ASAH2: variants seen among roughly 807,000 people sequenced by gnomAD.
ASAH2 encodes neutral ceramidase.
In ASAH2, 58 loss-of-function variants were observed where a neutral mutation model predicts 82.9. The ratio of observed to expected loss-of-function variants is 0.70; its 90% CI spans 0.57 to 0.87. The LOEUF (loss-of-function observed/expected upper bound fraction) is 0.87. Among genes scored for constraint, ASAH2 ranks in the 40% least tolerant of loss-of-function variants. The pLI, the probability that ASAH2 is intolerant of heterozygous loss-of-function variation, is 0.00. For missense variants in ASAH2, 779 were observed against 834.0 expected (o/e 0.93, Z 0.81); for synonymous variants, 276 against 289.7 (o/e 0.95, Z 0.48).
At chr10:50,242,732 C>T (rs1014782067) in intron 4 of ASAH2, among the ~76,000 whole-genome samples, 2 of 152,126 alleles carry the variant, frequency 1.3e-5, no homozygotes, top group Non-Finnish European at 2.9e-5. Context: ...TCCCTATGTG[C>T]CTATTACCCA....
intron 6 of ASAH2, among the ~76,000 whole-genome samples, chr10:50,233,561 C>T (rs1846068375): frequency 6.6e-6 from 1 of 152,040 alleles, no homozygotes; most frequent in South Asian, 2.1e-4. Context: ...ATTTATTTGT[C>T]TTTGAAATTT....
chr10:50,214,635 G>T, intron 9 of ASAH2, 108 bp downstream of exon 9: 1 of 1,362,250 alleles, frequency 7.3e-7, no homozygotes, highest in Non-Finnish European at 1.0e-6. Flanking sequence ...GGAGAACTAG[G>T]CCAGTGTATA....
At chr10:50,218,372 C>A in intron 8 of ASAH2, 138 bp downstream of exon 8, 1 of 1,233,540 alleles carries the variant, frequency 8.1e-7, no homozygotes, top group Non-Finnish European at 1.2e-6. Flanking sequence ...ATGGTAAATG[C>A]TGTCTATTCA....
intron 6 of ASAH2, 101 bp from the exon 7 acceptor site, chr10:50,233,362 A>G: frequency 1.2e-6 from 1 of 803,510 alleles, no homozygotes; most frequent in Non-Finnish European, 2.2e-6. Flanking sequence ...AATGCCTCTC[A>G]GTAAGTGAGA....
chr10:50,245,259 C>T lies in ASAH2; in HGVS notation c.323G>A (p.Arg108Gln), dbSNP rs761627134. The T allele has an allele frequency of 1.3e-5, 21 of 1,614,052 alleles. No individual in the cohort carries two copies. Among genetic ancestry groups the T allele is most frequent in the South Asian group, 6.6e-5 (6 of 91,066 alleles). Residue 108 changes from arginine to glutamine, a missense_variant, in exon 3 of 21, where the codon CGA becomes CAA. By Grantham distance (43) the Arg-to-Gln change is conservative. Transcript: ENST00000682911. Reference sequence around the variant, plus strand: ...TGCTACTTGTCCTGTGCAGTCAGCTCGTCCAACACCAATATGGTAGCCACT... The same window carrying T: ...TGCTACTTGTCCTGTGCAGTCAGCTTGTCCAACACCAATATGGTAGCCACT... ...NFSGYHIGVG[R>Q]ADCTGQVADI...
chr10:50,198,373 T>C (rs1845047558), intron 17 of ASAH2: 1 of 152,332 alleles, frequency 6.6e-6, no homozygotes, highest in African/African-American at 2.4e-5. Context: ...GAAGTTCCTT[T>C]AAATCAAGTA....
chr10:50,233,431 A>G (rs1294233108), intron 6 of ASAH2, among the ~76,000 whole-genome samples, 170 bp from the exon 7 acceptor site: 7 of 152,264 alleles, frequency 4.6e-5, no homozygotes, highest in African/African-American at 1.7e-4. Flanking sequence ...TCAGCTAAGG[A>G]AAGGCTATGC....
At position 50,245,867 on chromosome 10, in the gene ASAH2, C is replaced by T. The variant is rs1196090251; in HGVS notation, c.128-413G>A. On this transcript the variant is annotated intron_variant, in intron 2 of 20. Coordinates refer to ENST00000682911, the MANE Select transcript of ASAH2 (RefSeq NM_019893.4). The stretch of plus-strand genomic sequence containing the variant: ...CCTCTCCATCTACCAAACTCCACCA[C>T]CTGCTTCAGAGTTAGTCCATTTCCA... 2.6e-5 allele frequency among the ~76,000 whole-genome samples: 4 copies of T among 152,268 alleles called. No individual in the cohort carries two copies. The East Asian group carries it at 7.7e-4, about 29-fold the overall frequency.
chr10:50,225,167 C>T (rs1324669747), intron 7 of ASAH2, among the ~76,000 whole-genome samples: 2 of 152,136 alleles, frequency 1.3e-5, no homozygotes, highest in Admixed American at 6.6e-5. Context: ...AAAATCCTTG[C>T]ACCATGCCTT....
chr10:50,222,703 A>G (rs1423689063), intron 7 of ASAH2, among the ~76,000 whole-genome samples: 5 of 152,234 alleles, frequency 3.3e-5, no homozygotes, highest in East Asian at 1.9e-4. Context: ...GGAAGATGTC[A>G]TATTTTTCCT....
At chr10:50,199,681 T>C (rs1845088136) in intron 16 of ASAH2, among the ~76,000 whole-genome samples, 1 of 148,492 alleles carries the variant, frequency 6.7e-6, no homozygotes, top group Admixed American at 6.7e-5. Flanking sequence ...ACTTCAGACA[T>C]ACCAGCTTCC....
intron 12 of ASAH2, 122 bp from the exon 13 acceptor site, chr10:50,206,219 T>A: frequency 2.5e-6 from 2 of 789,390 alleles, no homozygotes; most frequent in Non-Finnish European, 4.5e-6. Context: ...GAGGTTGTTG[T>A]TCAATGATTC....
chr10:50,240,577 A>G, intron 4 of ASAH2: 1 of 702,276 alleles, frequency 1.4e-6, no homozygotes, highest in South Asian at 1.5e-5. Context: ...ACAAGCTGGC[A>G]TCTCAAGGCC....
chr10:50,222,272 T>C (rs1468450503), intron 7 of ASAH2, among the ~76,000 whole-genome samples: 2 of 152,174 alleles, frequency 1.3e-5, no homozygotes, highest in South Asian at 2.1e-4. Flanking sequence ...ACTAGTTAGA[T>C]ATAGACTTGA....
chr10:50,232,882 T>C (rs918771874), intron 7 of ASAH2, among the ~76,000 whole-genome samples: 2 of 152,116 alleles, frequency 1.3e-5, no homozygotes, highest in Admixed American at 6.6e-5. Flanking sequence ...ACATAATAAG[T>C]GTTAATGTTT....
At chr10:50,236,111 G>A in intron 4 of ASAH2, 47 bp from the exon 5 acceptor site, 2 of 1,553,272 alleles carry the variant, frequency 1.3e-6, no homozygotes, top group Non-Finnish European at 1.8e-6. Flanking sequence ...TAACATAGGA[G>A]CTCAACATGA....
intron 7 of ASAH2, 72 bp from the exon 8 acceptor site, chr10:50,218,702 G>T (rs1845673069): frequency 2.5e-6 from 4 of 1,573,274 alleles, no homozygotes; most frequent in Non-Finnish European, 3.5e-6. Context: ...ATGACTGGGA[G>T]CTTAAGTTTT....
At chr10:50,208,402 A>T (rs1375759267) in intron 12 of ASAH2, among the ~76,000 whole-genome samples, 1 of 152,180 alleles carries the variant, frequency 6.6e-6, no homozygotes, top group African/African-American at 2.4e-5. Flanking sequence ...TCTTGTATAG[A>T]GAAAAATCCT....
At chr10:50,213,253 G>T (rs1281025559) in intron 9 of ASAH2, among the ~76,000 whole-genome samples, 195 bp from the exon 10 acceptor site, 5 of 152,136 alleles carry the variant, frequency 3.3e-5, no homozygotes, top group African/African-American at 7.2e-5. Context: ...CTTTAGAAAT[G>T]ATCTATTCTG....
Sources: gnomAD v4.1 joint callset for allele counts (sites outside exome capture counted in the v4.1 genomes callset) on GRCh38, gnomAD v4.1.1 for gene constraint, MANE v1.5 for transcripts, NCBI Gene and HGNC (gene_info 2026-07-23, HGNC 2026-07-21) for gene names.